The following FARS2 variants were observed in gnomAD, a reference collection of about 807,000 sequenced individuals.
FARS2 encodes phenylalanyl-tRNA synthetase 2, mitochondrial.
Under a neutral mutation model 46.4 loss-of-function variants are expected in FARS2, and 40 were observed. The ratio of observed to expected loss-of-function variants is 0.86; its 90% CI spans 0.67 to 1.12. The LOEUF (loss-of-function observed/expected upper bound fraction) is 1.12, where lower values mean the gene tolerates loss of function less well. Ranked by LOEUF, FARS2 falls within the 50% of genes most tolerant of loss-of-function variation. The pLI is 0.00. For synonymous variants in FARS2, 234 were observed against 214.9 expected, an observed-to-expected ratio of 1.09 and a Z score of -0.78; for missense variants, 513 against 567.9, an observed-to-expected ratio of 0.90 and a Z score of 0.98.
intron 4 of FARS2, among the ~76,000 whole-genome samples, chr6:5,432,349 T>A (rs1322509827): frequency 6.2e-5 from 2 of 32,018 alleles, no homozygotes; most frequent in African/African-American, 2.0e-4. Flanking sequence ...TATATATATA[T>A]ATTATATATA....
intron 4 of FARS2, among the ~76,000 whole-genome samples, chr6:5,437,940 C>T (rs541651556): frequency 2.6e-5 from 4 of 152,178 alleles, no homozygotes; most frequent in Non-Finnish European, 4.4e-5. Flanking sequence ...TTATAGACCA[C>T]GTCAAGTGGT....
At chr6:5,293,009 C>T (rs549182114) in intron 1 of FARS2, among the ~76,000 whole-genome samples, 7 of 152,254 alleles carry the variant, frequency 4.6e-5, no homozygotes, top group Admixed American at 1.3e-4. Context: ...CGGCCAATGC[C>T]GCACAGAATT....
intron 6 of FARS2, among the ~76,000 whole-genome samples, chr6:5,667,273 C>A (rs4299872): frequency 0.93 from 141,336 of 152,218 alleles, 65,737 homozygotes; most frequent in East Asian, 0.99. Context: ...TAATCCCAGC[C>A]CTTTGGGGGG....
intron 1 of FARS2, among the ~76,000 whole-genome samples, chr6:5,277,736 T>C (rs1430539695): frequency 6.6e-6 from 1 of 152,256 alleles, no homozygotes; most frequent in African/African-American, 2.4e-5. Context: ...TGGTTCTTTA[T>C]TAAATCTTTA....
At position 5,414,811 on chromosome 6, in the gene FARS2, G is replaced by GTTTT. The variant is rs35210878; in HGVS notation, c.772+10129_772+10132dup. Among the ~76,000 whole-genome samples, 467 of 86,666 alleles carry GTTTT rather than the reference G, an allele frequency of 5.4e-3. 17 individuals carry two copies. The highest frequency in any genetic ancestry group is 8.1e-3 in the Middle Eastern group (1 of 124). 56.9% of individuals were successfully genotyped at this position (86,666 alleles called of 152,430 possible). A position where few individuals can be genotyped will look rare whatever the true frequency, so the allele number is the denominator to read the frequency against. Reference sequence around the variant, plus strand: ...ATGGCTGCATGGTAGGTATATGACTGTTTTTTTTTTTTTTTTTTTTTTGAG... The same window carrying GTTTT: ...ATGGCTGCATGGTAGGTATATGACTGTTTTTTTTTTTTTTTTTTTTTTTTTTGAG... On this transcript the variant is annotated intron_variant, in intron 3 of 6. Coordinates refer to ENST00000274680, the MANE Select transcript of FARS2 (RefSeq NM_006567.5).
intron 5 of FARS2, among the ~76,000 whole-genome samples, chr6:5,564,540 A>G (rs1279327156): frequency 6.6e-6 from 1 of 152,222 alleles, no homozygotes; most frequent in East Asian, 1.9e-4. Context: ...TTTAATGACA[A>G]ATGTAAGATA....
chr6:5,555,311 A>G (rs941262755), intron 5 of FARS2, among the ~76,000 whole-genome samples: 2 of 152,170 alleles, frequency 1.3e-5, no homozygotes, highest in African/African-American at 4.8e-5. Context: ...CTTCATCAGC[A>G]GCATGAAAAC....
chr6:5,434,773 CA>C (rs67839660), intron 4 of FARS2, among the ~76,000 whole-genome samples: 10,824 of 151,924 alleles, frequency 0.071, 1,304 homozygotes, highest in African/African-American at 0.25. Flanking sequence ...TTCCTCCCTG[CA>C]CCCTGCTCTT....
intron 5 of FARS2, among the ~76,000 whole-genome samples, chr6:5,604,544 G>A (rs1181810338): frequency 6.6e-5 from 10 of 152,130 alleles, no homozygotes; most frequent in South Asian, 2.1e-4. Flanking sequence ...GACCCCAGGC[G>A]TCTCTGAAAC....
At chr6:5,678,335 C>T (rs1778867274) in intron 6 of FARS2, among the ~76,000 whole-genome samples, 1 of 152,142 alleles carries the variant, frequency 6.6e-6, no homozygotes, top group African/African-American at 2.4e-5. Flanking sequence ...TGAAGGTTGC[C>T]ATCCTTTGTA....
intron 6 of FARS2, among the ~76,000 whole-genome samples, chr6:5,726,758 C>T (rs1475312532): frequency 1.3e-5 from 2 of 152,270 alleles, no homozygotes; most frequent in Middle Eastern, 3.4e-3. Flanking sequence ...CTGCGAACCC[C>T]TCTGCCCTCT....
chr6:5,500,931 C>A (rs1767755185), intron 4 of FARS2, among the ~76,000 whole-genome samples: 1 of 115,328 alleles, frequency 8.7e-6, no homozygotes. Context: ...GCTTCAAATC[C>A]CCGAGAGAGA....
At chr6:5,270,242 T>C (rs1457420150) in intron 1 of FARS2, among the ~76,000 whole-genome samples, 4 of 152,250 alleles carry the variant, frequency 2.6e-5, no homozygotes, top group Non-Finnish European at 5.9e-5. Context: ...CACATTGTTA[T>C]TTATTTCAAG....
At chr6:5,266,388 A>T (rs898952939) in intron 1 of FARS2, among the ~76,000 whole-genome samples, 1 of 152,144 alleles carries the variant, frequency 6.6e-6, no homozygotes, top group Admixed American at 6.5e-5. Context: ...GAAGCTGCCC[A>T]GGTGTGGTGG....
At chr6:5,735,646 T>A (rs557905072) in intron 6 of FARS2, among the ~76,000 whole-genome samples, 1 of 152,368 alleles carries the variant, frequency 6.6e-6, no homozygotes, top group African/African-American at 2.4e-5. Flanking sequence ...GAATTCTTTA[T>A]CTTTCGCCTG....
chr6:5,437,624 T>C (rs2127780891), intron 4 of FARS2, among the ~76,000 whole-genome samples: 1 of 152,314 alleles, frequency 6.6e-6, no homozygotes, highest in South Asian at 2.1e-4. Context: ...GTAATTTTCC[T>C]TGGACTCTGT....
chr6:5,350,071 C>T (rs952789483), intron 1 of FARS2, among the ~76,000 whole-genome samples: 1 of 152,036 alleles, frequency 6.6e-6, no homozygotes, highest in Non-Finnish European at 1.5e-5. Context: ...ACTTTCCCCA[C>T]CTTTTCTTTA....
chr6:5,680,726 G>T (rs191814823), intron 6 of FARS2, among the ~76,000 whole-genome samples: 12 of 145,598 alleles, frequency 8.2e-5, no homozygotes, highest in African/African-American at 3.1e-4. Flanking sequence ...TCTGCAAAAA[G>T]TACAGACGTT....
intron 4 of FARS2, among the ~76,000 whole-genome samples, chr6:5,517,000 A>G (rs1223422365): frequency 2.0e-5 from 3 of 152,140 alleles, no homozygotes; most frequent in Non-Finnish European, 4.4e-5. Flanking sequence ...CTAGCCTGAG[A>G]GACAAAAGTT....
Sources: gnomAD v4.1 joint callset for allele counts (sites outside exome capture counted in the v4.1 genomes callset) on GRCh38, gnomAD v4.1.1 for gene constraint, MANE v1.5 for transcripts, NCBI Gene and HGNC (gene_info 2026-07-23, HGNC 2026-07-21) for gene names.